Variants in FHIT observed in about 807,000 individuals in gnomAD.
The protein encoded by FHIT is fragile histidine triad diadenosine triphosphatase.
A neutral mutation model predicts 17.9 loss-of-function variants in FHIT; 19 were observed. The ratio of observed to expected loss-of-function variants is 1.06; its 90% CI spans 0.74 to 1.56. FHIT has a LOEUF of 1.56. FHIT is among the 40% of genes most tolerant of loss of function. The probability of loss-of-function intolerance (pLI) is 0.00; values close to 1 mark genes in which losing one functional copy is unlikely to be tolerated. For synonymous variants in FHIT, 81 were observed against 69.7 expected (o/e 1.16, Z -0.81); for missense variants, 248 against 189.2 (o/e 1.31, Z -1.82).
chr3:60,707,819 T>C (rs782029373), intron 4 of FHIT, among the ~76,000 whole-genome samples: 5 of 152,232 alleles, frequency 3.3e-5, no homozygotes, highest in Non-Finnish European at 7.3e-5. Flanking sequence ...AATTGGAATG[T>C]CCTTTCTGGA....
chr3:60,678,664 G>C (rs530772676), intron 4 of FHIT, among the ~76,000 whole-genome samples: 1 of 152,226 alleles, frequency 6.6e-6, no homozygotes, highest in South Asian at 2.1e-4. Context: ...GAAAAACTGG[G>C]ATAGAAATAG....
At chr3:60,299,798 T>A (rs10866034) in intron 5 of FHIT, among the ~76,000 whole-genome samples, 85,335 of 151,938 alleles carry the variant, frequency 0.56, 25,011 homozygotes, top group East Asian at 0.96. Context: ...GTGACGATAG[T>A]AGTTTTGGCT....
intron 3 of FHIT, among the ~76,000 whole-genome samples, chr3:61,034,493 C>T (rs992196926): frequency 7.9e-5 from 12 of 152,136 alleles, no homozygotes; most frequent in East Asian, 1.9e-4. Flanking sequence ...GACATTTCTC[C>T]AGAAAAAACA....
chr3:60,690,278 T>C (rs1161266893), intron 4 of FHIT: 13 of 551,740 alleles, frequency 2.4e-5, no homozygotes, highest in Admixed American at 1.3e-4. Context: ...TTGCCATTCC[T>C]GAACACAAAG....
chr3:59,791,593 C>T (rs1699563912), intron 8 of FHIT, among the ~76,000 whole-genome samples: 1 of 152,148 alleles, frequency 6.6e-6, no homozygotes, highest in Non-Finnish European at 1.5e-5. Flanking sequence ...CTATAACTTG[C>T]AAAGGGTCTC....
chr3:61,050,786 G>T (rs11130812), intron 2 of FHIT, among the ~76,000 whole-genome samples: 20,201 of 152,186 alleles, frequency 0.13, 1,414 homozygotes, highest in South Asian at 0.18. Flanking sequence ...CCAAGATACA[G>T]TTTTTTAAGG....
chr3:60,004,682 T>G (rs565169727), intron 7 of FHIT, among the ~76,000 whole-genome samples: 1 of 152,094 alleles, frequency 6.6e-6, no homozygotes, highest in Non-Finnish European at 1.5e-5. Flanking sequence ...TAATGAAGAG[T>G]TGAAATTTTG....
chr3:60,224,393 A>G (rs1377044835), intron 5 of FHIT, among the ~76,000 whole-genome samples: 1 of 152,218 alleles, frequency 6.6e-6, no homozygotes. Context: ...AATTAACTTG[A>G]GTTGTGAAAA....
At chr3:60,723,315 T>C (rs2041849738) in intron 4 of FHIT, among the ~76,000 whole-genome samples, 1 of 152,200 alleles carries the variant, frequency 6.6e-6, no homozygotes, top group Admixed American at 6.5e-5. Flanking sequence ...GTTTGCAATG[T>C]TGGCCTTTGG....
chr3:60,284,262 T>C lies in FHIT; in HGVS notation c.103+252598A>G, dbSNP rs542099507. 7.2e-5 allele frequency among the ~76,000 whole-genome samples: 11 copies of C among 152,270 alleles called. 1 individual carries two copies. The South Asian group carries it at 2.3e-3, about 32-fold the overall frequency. ...ACATTTAAGAATCGTAACAGTACAA[T>C]GTGTGACATTGGCAAATGGTAAATG... On this transcript the variant is annotated intron_variant, in intron 5 of 9. Transcript: ENST00000492590.
intron 7 of FHIT, among the ~76,000 whole-genome samples, chr3:59,967,544 G>C (rs79697060): frequency 7.9e-4 from 121 of 152,262 alleles, no homozygotes; most frequent in African/African-American, 2.7e-3. Flanking sequence ...GTCTGTGGTT[G>C]ACTGAAATTT....
At chr3:61,001,697 GTC>G (rs2031096825) in intron 3 of FHIT, among the ~76,000 whole-genome samples, 1 of 152,196 alleles carries the variant, frequency 6.6e-6, no homozygotes, top group Non-Finnish European at 1.5e-5. Context: ...GCATGAGGGA[GTC>G]TCTGATGATG....
intron 8 of FHIT, among the ~76,000 whole-genome samples, chr3:59,862,215 A>G (rs1230460582): frequency 1.3e-5 from 2 of 152,226 alleles, no homozygotes; most frequent in Non-Finnish European, 2.9e-5. Flanking sequence ...GGAGAAGCAA[A>G]GGCACATCTT....
intron 4 of FHIT, among the ~76,000 whole-genome samples, chr3:60,774,499 C>T (rs1350410150): frequency 2.0e-5 from 3 of 152,072 alleles, no homozygotes; most frequent in Non-Finnish European, 4.4e-5. Flanking sequence ...TGGGGTTTCA[C>T]CATGTTGACC....
chr3:60,024,763 T>C (rs1185694911), intron 5 of FHIT, among the ~76,000 whole-genome samples: 1 of 152,232 alleles, frequency 6.6e-6, no homozygotes, highest in Non-Finnish European at 1.5e-5. Flanking sequence ...CCCAGTTCAC[T>C]TGGTCTAACT....
intron 4 of FHIT, among the ~76,000 whole-genome samples, chr3:60,623,033 T>C (rs1162852831): frequency 6.6e-6 from 1 of 152,164 alleles, no homozygotes; most frequent in Non-Finnish European, 1.5e-5. Context: ...CAGCCTTTTC[T>C]CCCACGAAGC....
chr3:60,454,832 A>G (rs564766296), intron 5 of FHIT, among the ~76,000 whole-genome samples: 17 of 152,214 alleles, frequency 1.1e-4, no homozygotes, highest in African/African-American at 3.9e-4. Context: ...CCCAGGAGAC[A>G]CTACTTATCC....
intron 5 of FHIT, among the ~76,000 whole-genome samples, chr3:60,427,313 A>G (rs1702709734): frequency 6.6e-6 from 1 of 152,112 alleles, no homozygotes; most frequent in African/African-American, 2.4e-5. Flanking sequence ...ACAAGGAAAC[A>G]GATTCTGCCA....
At chr3:60,626,197 A>G (rs367767713) in intron 4 of FHIT, among the ~76,000 whole-genome samples, 2 of 152,274 alleles carry the variant, frequency 1.3e-5, no homozygotes, top group East Asian at 3.9e-4. Context: ...TGTTTCAGCT[A>G]TTCTCAGGAT....
Sources: gnomAD v4.1 joint callset for allele counts (sites outside exome capture counted in the v4.1 genomes callset) on GRCh38, gnomAD v4.1.1 for gene constraint, MANE v1.5 for transcripts, NCBI Gene and HGNC (gene_info 2026-07-23, HGNC 2026-07-21) for gene names.